The following GLT6D1 variants were observed in gnomAD, a reference collection of about 807,000 sequenced individuals.
GLT6D1 encodes the protein glycosyltransferase 6 domain containing 1.
Under a neutral mutation model 12.3 loss-of-function variants are expected in GLT6D1, and 9 were observed. The observed-to-expected ratio is 0.73, with a 90% CI of 0.44 to 1.27. GLT6D1 has a LOEUF of 1.27. GLT6D1 is among the 50% of genes most tolerant of loss of function. GLT6D1 has a pLI of 0.00. For missense variants in GLT6D1, 335 were observed against 346.2 expected, an observed-to-expected ratio of 0.97 and a Z score of 0.26; for synonymous variants, 128 against 132.3, an observed-to-expected ratio of 0.97 and a Z score of 0.23.
At chr9:135,638,166 G>A (rs1180501963) in intron 2 of GLT6D1, among the ~76,000 whole-genome samples, 1 of 152,234 alleles carries the variant, frequency 6.6e-6, no homozygotes, top group Non-Finnish European at 1.5e-5. Context: ...GAGAAAGACG[G>A]AAAAGTGGAA....
rs150670136 is a variant in GLT6D1, at chr9:135,638,945, T to A, written c.71+172A>T. 6.2e-3 allele frequency among the ~76,000 whole-genome samples: 944 copies of A among 152,188 alleles called. 10 individuals are homozygous for A. The highest frequency in any genetic ancestry group is 0.018 in the African/African-American group (734 of 41,518). Reference sequence around the variant, plus strand: ...TACTCAGGAGGCTGAGGTGGGAGGATCACTTGAGCCTGGGAGGTCAAGGCT... The same window carrying A: ...TACTCAGGAGGCTGAGGTGGGAGGAACACTTGAGCCTGGGAGGTCAAGGCT... On this transcript the variant is annotated intron_variant, in intron 2 of 4. Transcript: ENST00000371763.
At chr9:135,632,730 C>T (rs1211299924) in intron 2 of GLT6D1, among the ~76,000 whole-genome samples, 2 of 149,954 alleles carry the variant, frequency 1.3e-5, no homozygotes, top group Admixed American at 1.3e-4. Context: ...TGCAGTGGCG[C>T]AATCTCAGCT....
At chr9:135,634,455 TTTTTTTTTTG>T (rs1372506424) in intron 2 of GLT6D1, among the ~76,000 whole-genome samples, 8 of 143,900 alleles carry the variant, frequency 5.6e-5, no homozygotes, top group East Asian at 2.0e-4. Context: ...TTTTTTTTTT[TTTTTTTTTTG>T]GCATGATTTA....
chr9:135,624,326 C>G lies in GLT6D1; in HGVS notation c.602G>C (p.Arg201Thr), dbSNP rs1193340076. 6.2e-7 allele frequency: 1 copy of G among 1,610,726 alleles called. No individual in the cohort carries two copies. Among genetic ancestry groups the G allele is most frequent in the African/African-American group, 1.3e-5 (1 of 74,802 alleles). ...VAQLHAWWYF[R>T]NTKNFPYERR... The stretch of plus-strand genomic sequence containing the variant: ...CTCATAAGGGAAGTTCTTGGTGTTT[C>G]TGAAATACCACCAGGCGTGGAGCTG... Residue 201 changes from arginine to threonine, a missense_variant, in exon 5 of 5, where the codon AGA becomes ACA. By Grantham distance (71) the Arg-to-Thr change is moderately conservative (BLOSUM62 -1). Transcript: ENST00000371763.
At position 135,624,268 on chromosome 9, in the gene GLT6D1, A is replaced by C. The variant is rs763189230; in HGVS notation, c.660T>G (p.Phe220Leu). ...TGCCATAATAGAAATCTCCCTGTCC[A>C]AACGGGATGCAAGCTGCTGAGGTCG... ...RRPTSAACIP[F>L]GQGDFYYGNL... The change falls in exon 5 of 5, where the codon TTT becomes TTG. Residue 220 changes from phenylalanine (F) to leucine (L), a missense_variant. By Grantham distance (22) the Phe-to-Leu change is conservative. Transcript: ENST00000371763. 12 of 1,604,502 alleles carry C rather than the reference A, an allele frequency of 7.5e-6. No individual in the cohort carries two copies. Among genetic ancestry groups the C allele is most frequent in the South Asian group, 3.4e-5 (3 of 89,270 alleles).
upstream of GLT6D1, among the ~76,000 whole-genome samples, chr9:135,640,001 C>T (rs796267321): frequency 1.3e-4 from 20 of 152,140 alleles, no homozygotes; most frequent in South Asian, 8.3e-4. Context: ...TTAGTGGAGA[C>T]GGGGTTTCAT....
At chr9:135,636,069 A>G (rs1212147655) in intron 2 of GLT6D1, among the ~76,000 whole-genome samples, 2 of 152,044 alleles carry the variant, frequency 1.3e-5, no homozygotes, top group African/African-American at 4.8e-5. Flanking sequence ...CTCCACTCAT[A>G]CCCAGCTGGG....
intron 2 of GLT6D1, among the ~76,000 whole-genome samples, chr9:135,633,221 G>A (rs542561344): frequency 3.4e-4 from 52 of 152,064 alleles, no homozygotes; most frequent in Non-Finnish European, 5.4e-4. Flanking sequence ...TATTCTCGCC[G>A]GCTGAGATGA....
intron 3 of GLT6D1, among the ~76,000 whole-genome samples, chr9:135,630,879 A>G (rs953421550): frequency 6.6e-6 from 1 of 152,216 alleles, no homozygotes; most frequent in Non-Finnish European, 1.5e-5. Flanking sequence ...AAGTAAATTT[A>G]GCAATTTAAA....
In GLT6D1 at chr9:135,624,500, CA is replaced by C. The variant is rs34217442; in HGVS notation, c.427del (p.Trp143GlyfsTer9). On this transcript the variant is annotated frameshift_variant, in exon 5 of 5. Transcript: ENST00000371763. LOFTEE classifies it low-confidence loss of function (END_TRUNC). ...CACATGCACCAGGGGGCCATCGAGC[CA>C]CCACCTCTCGGTGCCCACTTTAAAT... The part of the protein sequence containing the change: ...KAFKVGTERW[W>X]LDGPLVHVKS... The C allele has an allele frequency of 0.19, 311,336 of 1,613,840 alleles. 30,805 individuals carry two copies. Among genetic ancestry groups the C allele is most frequent in the South Asian group, 0.2 (18,607 of 91,078 alleles).
chr9:135,636,701 T>G (rs530551910), intron 2 of GLT6D1, among the ~76,000 whole-genome samples: 2 of 152,282 alleles, frequency 1.3e-5, no homozygotes, highest in South Asian at 4.1e-4. Context: ...TGGCAACCAC[T>G]GATCTTTTTC....
rs1242681137 is a variant in GLT6D1, at chr9:135,623,935, A to C, written c.*162T>G. ...ATGTCTCTAAAAAATGGAAGGTCTTAAGACTTCCCTCATTTATAAGAAATT... is the reference window on the plus strand; with the variant it reads ...ATGTCTCTAAAAAATGGAAGGTCTTCAGACTTCCCTCATTTATAAGAAATT... On this transcript the variant is annotated 3_prime_UTR_variant, in exon 5 of 5. Coordinates refer to ENST00000371763, the MANE Select transcript of GLT6D1 (RefSeq NM_182974.3). 1 of 575,686 alleles carries C rather than the reference A, an allele frequency of 1.7e-6. No individual in the cohort carries two copies. Among genetic ancestry groups the C allele is most frequent in the African/African-American group, 1.9e-5 (1 of 52,058 alleles). The allele number at this position is 575,686 out of a possible 1,614,324, so 35.7% of individuals were successfully genotyped here. A position where few individuals can be genotyped will look rare whatever the true frequency, so the allele number is the denominator to read the frequency against.
At position 135,639,392 on chromosome 9, in the gene GLT6D1, G is replaced by A. The variant is rs542694863; in HGVS notation, c.-106C>T. The A allele has an allele frequency of 4.8e-4, 223 of 467,246 alleles. No homozygotes were observed. Among genetic ancestry groups the A allele is most frequent in the Non-Finnish European group, 7.5e-4 (195 of 261,612 alleles). The allele number at this position is 467,246 out of a possible 1,614,324, so 28.9% of individuals were successfully genotyped here. A position where few individuals can be genotyped will look rare whatever the true frequency, so the allele number is the denominator to read the frequency against. ...AAGTGCCCGGGGCTGACTGTTCCCC[G>A]TGGGTCAGCTGCACGTGCACTGTCT... On this transcript the variant is annotated 5_prime_UTR_variant, in exon 1 of 5. The change creates a new upstream start codon in the 5' untranslated region. Coordinates refer to ENST00000371763, the MANE Select transcript of GLT6D1 (RefSeq NM_182974.3).
Position 135,626,086 on chromosome 9 carries a change from G to GGCCA in GLT6D1, c.236_239dup (p.Val81GlyfsTer22), listed in dbSNP as rs772197531. 4 of 1,614,022 alleles carry GGCCA rather than the reference G, an allele frequency of 2.5e-6. No individual in the cohort carries two copies. Among genetic ancestry groups the GGCCA allele is most frequent in the Non-Finnish European group, 3.4e-6 (4 of 1,179,956 alleles). On this transcript the variant is annotated frameshift_variant, in exon 4 of 5. Coordinates refer to ENST00000371763, the MANE Select transcript of GLT6D1 (RefSeq NM_182974.3). LOFTEE classifies it low-confidence loss of function (END_TRUNC). The stretch of plus-strand genomic sequence containing the variant: ...GCACCTACCTGCCAGTAGCAAAGAC[G>GGCCA]GCCAGGCCCACAGTGATATTCCGCC...
intron 2 of GLT6D1, among the ~76,000 whole-genome samples, chr9:135,635,967 T>C (rs1001334602): frequency 6.7e-5 from 10 of 149,872 alleles, no homozygotes; most frequent in Admixed American, 1.3e-4. Context: ...AGCAGCAGAA[T>C]TGTTAACTCA....
intron 2 of GLT6D1, among the ~76,000 whole-genome samples, chr9:135,635,606 C>T (rs546260932): frequency 4.6e-5 from 7 of 151,846 alleles, no homozygotes; most frequent in East Asian, 1.9e-4. Context: ...CTAGAAACCA[C>T]GATCTGCTGC....
chr9:135,630,483 G>A (rs1044978078), intron 3 of GLT6D1, among the ~76,000 whole-genome samples: 2 of 151,788 alleles, frequency 1.3e-5, no homozygotes, highest in Non-Finnish European at 2.9e-5. Flanking sequence ...TACTCGGGAG[G>A]CCGAGGCAGG....
intron 3 of GLT6D1, 99 bp from the exon 4 acceptor site, chr9:135,626,305 G>A (rs1354918604): frequency 9.2e-6 from 12 of 1,302,548 alleles, no homozygotes; most frequent in Admixed American, 4.0e-5. Flanking sequence ...CACCTAGTGC[G>A]CGCCCAGCTC....
chr9:135,628,728 G>T (rs1176124843), intron 3 of GLT6D1, among the ~76,000 whole-genome samples: 1 of 152,158 alleles, frequency 6.6e-6, no homozygotes, highest in East Asian at 1.9e-4. Flanking sequence ...TTTGTAGAAA[G>T]TTTTTTATTA....
Sources: gnomAD v4.1 joint callset for allele counts (sites outside exome capture counted in the v4.1 genomes callset) on GRCh38, gnomAD v4.1.1 for gene constraint, MANE v1.5 for transcripts, NCBI Gene and HGNC (gene_info 2026-07-23, HGNC 2026-07-21) for gene names.